The following PKD1 variants were observed in gnomAD, a reference collection of about 807,000 sequenced individuals.
The protein encoded by PKD1 is polycystin-1.
A neutral mutation model predicts 361.7 loss-of-function variants in PKD1; 81 were observed. The ratio of observed to expected loss-of-function variants is 0.22; its 90% CI spans 0.19 to 0.27. The LOEUF is 0.27. Ranked by LOEUF, PKD1 falls within the 10% of genes least tolerant of loss-of-function variation. The probability of loss-of-function intolerance (pLI) is 1.00; values close to 1 mark genes in which losing one functional copy is unlikely to be tolerated. For synonymous variants in PKD1, 3,615 were observed against 2,818.3 expected (o/e 1.28, Z -8.95); for missense variants, 6,399 against 6,118.3 (o/e 1.05, Z -1.53).
At position 2,089,980 on chromosome 16, in the gene PKD1, T is replaced by G. The variant is rs146614757; in HGVS notation, c.12659A>C (p.Glu4220Ala). ...TCGGTCAAACTGGGTGAGCAGGGCC[T>G]CGAACACGGCTTGGAGGCGGGAGGG... is the stretch of plus-strand genomic sequence containing the variant. ...PEPSRLQAVFEALLTQFDRLN... is the reference protein window; with the variant it reads ...PEPSRLQAVFAALLTQFDRLN... The change falls in exon 46 of 46, where the codon GAG becomes GCG. Residue 4220 changes from glutamate to alanine, a missense_variant. Glu to Ala is a moderately radical substitution (Grantham distance 107). Transcript: ENST00000262304. The G allele has an allele frequency of 6.2e-7, 1 of 1,611,898 alleles. No individual in the cohort carries two copies. Among genetic ancestry groups the G allele is most frequent in the African/African-American group, 1.3e-5 (1 of 75,040 alleles).
In PKD1 at chr16:2,112,883, C is replaced by A. The variant is rs1206347592; in HGVS notation, c.3066G>T (p.Leu1022=). 6 of 1,607,202 alleles carry A rather than the reference C, an allele frequency of 3.7e-6. No homozygotes were observed. The highest frequency in any genetic ancestry group is 2.2e-5 in the East Asian group (1 of 44,880). ...TVERMNRMQG[L]QVSTVPAVLS... ...GCACGGCCGGCACTGTGGAGACCTG[C>A]AGACCCTGCATCCTGTTCATCCGCT... Residue 1022 remains leucine (L), a synonymous_variant, in exon 13 of 46, where the codon CTG becomes CTT. Transcript: ENST00000262304.
intron 1 of PKD1, among the ~76,000 whole-genome samples, chr16:2,133,399 G>C (rs1459274791): frequency 6.7e-6 from 1 of 148,272 alleles, no homozygotes; most frequent in Non-Finnish European, 1.5e-5. Context: ...AGAGGCACCT[G>C]CGTGAGCCCC....
chr16:2,109,143 G>C lies in PKD1; in HGVS notation c.6024C>G (p.Phe2008Leu), dbSNP rs770185977. The C allele has an allele frequency of 1.9e-6, 3 of 1,602,534 alleles. No individual in the cohort carries two copies. In the East Asian group the frequency reaches 6.7e-5, roughly 36 times the overall value. The change falls in exon 15 of 46, where the codon TTC becomes TTG. Residue 2008 changes from phenylalanine to leucine, a missense_variant. Transcript: ENST00000262304. ...RGSRVAYAWY[F>L]SLQKVQGDSL... is the part of the protein sequence containing the mutation. ...AGTCGCCCTGGACCTTCTGCAGCGA[G>C]AAGTACCAGGCGTAGGCGACCCGAG...
chr16:2,104,534 G>A lies in PKD1; in HGVS notation c.8125C>T (p.Pro2709Ser). The A allele has an allele frequency of 1.3e-6, 2 of 1,571,312 alleles. No homozygotes were observed. Among genetic ancestry groups the A allele is most frequent in the Non-Finnish European group, 1.7e-6 (2 of 1,158,280 alleles). Residue 2709 changes from proline to serine, a missense_variant, in exon 22 of 46, where the codon CCC becomes TCC. By Grantham distance (74) the Pro-to-Ser change is moderately conservative (BLOSUM62 -1). Transcript: ENST00000262304. ...AGGATGCTGTCTCCGATGGCGGTGG[G>A]CGTCACGGTGCCCGCGGTGGTCTCT... Reference protein sequence around the residue: ...QAETTAGTVTPTAIGDSILNI... With the variant: ...QAETTAGTVTSTAIGDSILNI...
chr16:2,123,916 G>C (rs1464402207), intron 1 of PKD1, among the ~76,000 whole-genome samples: 3 of 152,200 alleles, frequency 2.0e-5, no homozygotes, highest in Non-Finnish European at 4.4e-5. Flanking sequence ...CACCCCCATG[G>C]GGGGCAGGAC....
chr16:2,088,723 T>C lies in PKD1; in HGVS notation c.*1004A>G. ...GAGGCACAGATTGCAGTCAGACAGC[T>C]CTTTTATTGACTTTGTCTGCTTGGT... is the stretch of plus-strand genomic sequence containing the variant. On this transcript the variant is annotated 3_prime_UTR_variant, in exon 46 of 46. Coordinates refer to ENST00000262304, the MANE Select transcript of PKD1 (RefSeq NM_001009944.3). The C allele has an allele frequency of 7.2e-7, 1 of 1,394,694 alleles. No homozygotes were observed. The highest frequency in any genetic ancestry group is 9.7e-7 in the Non-Finnish European group (1 of 1,031,336). The allele number at this position is 1,394,694 out of a possible 1,614,324, so 86.4% of individuals were successfully genotyped here. A position where few individuals can be genotyped will look rare whatever the true frequency, so the allele number is the denominator to read the frequency against.
chr16:2,121,590 C>G (rs2092722017), intron 1 of PKD1, among the ~76,000 whole-genome samples: 1 of 152,122 alleles, frequency 6.6e-6, no homozygotes, highest in South Asian at 2.1e-4. Flanking sequence ...AGTTACAAAC[C>G]AGGTCCTGGA....
At chr16:2,132,122 T>C (rs71394725) in intron 1 of PKD1, among the ~76,000 whole-genome samples, 114 of 149,832 alleles carry the variant, frequency 7.6e-4, no homozygotes, top group African/African-American at 2.8e-3. Flanking sequence ...TGGTGGCACA[T>C]GCCTGTAATC....
chr16:2,126,935 G>T lies in PKD1; in HGVS notation c.216-7557C>A, dbSNP rs780422428. On this transcript the variant is annotated intron_variant, in intron 1 of 45. Coordinates refer to ENST00000262304, the MANE Select transcript of PKD1 (RefSeq NM_001009944.3). ...GGACCCACATTTGGCAGCGGTGCCC[G>T]GCCACTGTCACCAGATGGTGGCCAG... Among the ~76,000 whole-genome samples the T allele has an allele frequency of 4.6e-5, 7 of 152,318 alleles. No homozygotes were observed. In the East Asian group the frequency reaches 1.4e-3, roughly 29 times the overall value.
chr16:2,100,571 G>T lies in PKD1; in HGVS notation c.9398-5C>A, dbSNP rs778285879. On this transcript the variant is annotated splice_region_variant and splice_polypyrimidine_tract_variant and intron_variant, in intron 26 of 45. Coordinates refer to ENST00000262304, the MANE Select transcript of PKD1 (RefSeq NM_001009944.3). The surrounding 1 kb of genome is among the most constrained non-coding windows in gnomAD (Gnocchi z 4.4). ...TGCCCACGTGGGCCGTGGTACCTGG[G>T]AGGCAAGAGGGAGGGGTGGGAGGCT... The T allele has an allele frequency of 1.9e-6, 3 of 1,609,100 alleles. No homozygotes were observed. In the South Asian group the frequency reaches 3.3e-5, roughly 18 times the overall value.
Position 2,100,383 on chromosome 16 carries a change from G to T in PKD1, c.9568+13C>A. 2 of 1,611,208 alleles carry T rather than the reference G, an allele frequency of 1.2e-6. No individual in the cohort carries two copies. Among genetic ancestry groups the T allele is most frequent in the Non-Finnish European group, 1.7e-6 (2 of 1,179,710 alleles). On this transcript the variant is annotated intron_variant, in intron 27 of 45. Transcript: ENST00000262304. This position sits in a 1 kb window ranked among gnomAD's most constrained non-coding sequence, Gnocchi z 4.4. The stretch of plus-strand genomic sequence containing the variant: ...GGGGCAGAGGGGCAGAGCTTGGCAG[G>T]GTCCGCACAAACCTTTGTTGTCGTG...
chr16:2,094,054 G>A (rs752901948), intron 35 of PKD1, 38 bp downstream of exon 35: 1 of 1,589,970 alleles, frequency 6.3e-7, no homozygotes, highest in Non-Finnish European at 8.6e-7. Flanking sequence ...CAGCTCACAG[G>A]GAGGGGCTAG....
chr16:2,116,848 C>G lies in PKD1; in HGVS notation c.1591G>C (p.Glu531Gln). 2 of 1,529,656 alleles carry G rather than the reference C, an allele frequency of 1.3e-6. No homozygotes were observed. Among genetic ancestry groups the G allele is most frequent in the South Asian group, 2.4e-5 (2 of 84,192 alleles). The allele number at this position is 1,529,656 out of a possible 1,614,324, so 94.8% of individuals were successfully genotyped here. A position where few individuals can be genotyped will look rare whatever the true frequency, so the allele number is the denominator to read the frequency against. The change falls in exon 7 of 46, where the codon GAG (glutamate) becomes CAG (glutamine). Residue 531 changes from glutamate (E) to glutamine (Q), a missense_variant. Glu to Gln is a conservative substitution (Grantham distance 29). Coordinates refer to ENST00000262304, the MANE Select transcript of PKD1 (RefSeq NM_001009944.3). ...LCSAPHSYVC[E>Q]LQPGGPVQDA... is the part of the protein sequence containing the mutation. ...CCCCGCACACCTCCGGGCTGCAGCT[C>G]GCAGACGTAGCTGTGCGGCGCTGAG...
At chr16:2,131,250 G>A (rs1237340261) in intron 1 of PKD1, among the ~76,000 whole-genome samples, 1 of 152,186 alleles carries the variant, frequency 6.6e-6, no homozygotes, top group East Asian at 1.9e-4. Flanking sequence ...GGTGGCTCAA[G>A]CCTGTAATCC....
At chr16:2,101,627 A>T in intron 26 of PKD1, among the ~76,000 whole-genome samples, 1 of 152,266 alleles carries the variant, frequency 6.6e-6, no homozygotes, top group East Asian at 1.9e-4. Context: ...CTAAAAAAAG[A>T]AAAACGAAAA....
rs2091737345 is a variant in PKD1 at position 2,094,125 on chromosome 16, C to G, written c.10585G>C (p.Glu3529Gln). The G allele has an allele frequency of 1.3e-6, 2 of 1,594,866 alleles. No individual in the cohort carries two copies. Among genetic ancestry groups the G allele is most frequent in the East Asian group, 2.3e-5 (1 of 44,112 alleles). The change falls in exon 35 of 46, where the codon GAA (glutamate) becomes CAA (glutamine). Residue 3529 changes from glutamate (E) to glutamine (Q), a missense_variant. Physicochemically the swap from Glu to Gln is conservative, Grantham distance 29 (BLOSUM62 2). Coordinates refer to ENST00000262304, the MANE Select transcript of PKD1 (RefSeq NM_001009944.3). ...LGPPSPGLNW[E>Q]QPQAARLSRT... The stretch of plus-strand genomic sequence containing the variant: ...GACAGCCTCGCTGCCTGGGGCTGTT[C>G]CCAGTTCAGGCCTGGGCTGGGTGGC...
In PKD1 at chr16:2,119,681, G is replaced by A. The variant is rs571970734; in HGVS notation, c.216-303C>T. ...GGCACGGACCCCCAACCCATCCCAC[G>A]CAGGGCCAAGGCCCCCCATCCCCTG... On this transcript the variant is annotated intron_variant, in intron 1 of 45. Transcript: ENST00000262304. 5.6e-3 allele frequency: 3,408 copies of A among 606,526 alleles called. 15 individuals carry two copies. The highest frequency in any genetic ancestry group is 7.3e-3 in the East Asian group (265 of 36,466). The allele number at this position is 606,526 out of a possible 1,614,324, so 37.6% of individuals were successfully genotyped here. A position where few individuals can be genotyped will look rare whatever the true frequency, so the allele number is the denominator to read the frequency against.
At chr16:2,120,296 C>G (rs1289653563) in intron 1 of PKD1, 21 of 166,278 alleles carry the variant, frequency 1.3e-4, no homozygotes, top group Non-Finnish European at 2.6e-4. Flanking sequence ...ACAACTTCTA[C>G]GCAAAATATA....
chr16:2,096,408 G>T (rs1261047341), intron 34 of PKD1, among the ~76,000 whole-genome samples: 1 of 152,278 alleles, frequency 6.6e-6, no homozygotes, highest in Non-Finnish European at 1.5e-5. Flanking sequence ...CACGCCGTGG[G>T]TGCGCTCCGC....
Sources: allele counts gnomAD v4.1 joint callset (sites outside exome capture counted in the v4.1 genomes callset), GRCh38; gene constraint gnomAD v4.1.1; non-coding constraint Gnocchi (gnomAD v3.1); transcripts MANE v1.5; gene names NCBI Gene and HGNC (gene_info 2026-07-23, HGNC 2026-07-21).